KIAA0319L: variants seen among roughly 807,000 people sequenced by gnomAD.
KIAA0319L encodes the protein dyslexia-associated protein KIAA0319-like protein.
A neutral mutation model predicts 120.1 loss-of-function variants in KIAA0319L; 55 were observed. The observed-to-expected ratio is 0.46, with a 90% CI of 0.37 to 0.57. The LOEUF (loss-of-function observed/expected upper bound fraction) is 0.57, where lower values mean the gene tolerates loss of function less well. Ranked by LOEUF, KIAA0319L falls within the 20% of genes least tolerant of loss-of-function variation. The probability of loss-of-function intolerance (pLI) is 0.00; values close to 1 mark genes in which losing one functional copy is unlikely to be tolerated. For synonymous variants in KIAA0319L, 398 were observed against 471.9 expected, an observed-to-expected ratio of 0.84 and a Z score of 2.03; for missense variants, 1,049 against 1,255.3, an observed-to-expected ratio of 0.84 and a Z score of 2.48.
chr1:35,551,833 C>G (rs973060030), intron 2 of KIAA0319L, among the ~76,000 whole-genome samples: 1 of 152,160 alleles, frequency 6.6e-6, no homozygotes, highest in Non-Finnish European at 1.5e-5. Flanking sequence ...CAGAACTACA[C>G]CTAACACCAC....
At position 35,506,857 on chromosome 1, in the gene KIAA0319L, C is replaced by G; in HGVS notation, c.421G>C (p.Gly141Arg). 1 of 1,614,182 alleles carries G rather than the reference C, an allele frequency of 6.2e-7. No homozygotes were observed. Among genetic ancestry groups the G allele is most frequent in the Non-Finnish European group, 8.5e-7 (1 of 1,180,034 alleles). Reference protein sequence around the residue: ...LKKFQTADDLGFLPEDDVPHL... With the variant: ...LKKFQTADDLRFLPEDDVPHL... Reference sequence around the variant, plus strand: ...GGTACATCATCTTCAGGTAGAAAGCCCAAATCATCTGCAGTTTGGAATTTT... The same window carrying G: ...GGTACATCATCTTCAGGTAGAAAGCGCAAATCATCTGCAGTTTGGAATTTT... Residue 141 changes from glycine (G) to arginine (R), a missense_variant, in exon 3 of 21, where the codon GGC (glycine) becomes CGC (arginine). By Grantham distance (125) the Gly-to-Arg change is moderately radical (BLOSUM62 -2). Transcript: ENST00000325722. The surrounding 1 kb of genome is among the most constrained non-coding windows in gnomAD (Gnocchi z 4.0).
intron 13 of KIAA0319L, 82 bp from the exon 14 acceptor site, chr1:35,450,591 A>G: frequency 1.5e-6 from 2 of 1,357,086 alleles, no homozygotes; most frequent in Non-Finnish European, 2.1e-6. Context: ...GGGGAAATTA[A>G]AACATCAAGA....
chr1:35,517,172 C>G (rs1645715978), intron 2 of KIAA0319L, among the ~76,000 whole-genome samples: 1 of 152,086 alleles, frequency 6.6e-6, no homozygotes, highest in Admixed American at 6.6e-5. Flanking sequence ...ACCTATCAAA[C>G]TACCAATGAC....
At chr1:35,476,155 CAG>C (rs917045968) in intron 4 of KIAA0319L, among the ~76,000 whole-genome samples, 2 of 152,156 alleles carry the variant, frequency 1.3e-5, no homozygotes, top group African/African-American at 4.8e-5. Context: ...TCACATATGT[CAG>C]AGTTTCTCAA....
chr1:35,460,451 A>ATGTTGT lies in KIAA0319L; in HGVS notation c.1295-15_1295-14insACAACA. On this transcript the variant is annotated splice_polypyrimidine_tract_variant and intron_variant, in intron 8 of 20. Coordinates refer to ENST00000325722, the MANE Select transcript of KIAA0319L (RefSeq NM_024874.5). Reference sequence around the variant, plus strand: ...CATCAGTGCTTTCTTGACCATAAAGAAACATCAGTTACAACATGAGAACGC... The same window carrying ATGTTGT: ...CATCAGTGCTTTCTTGACCATAAAGATGTTGTAACATCAGTTACAACATGAGAACGC... 6.2e-7 allele frequency: 1 copy of ATGTTGT among 1,610,930 alleles called. No individual in the cohort carries two copies. The highest frequency in any genetic ancestry group is 8.5e-7 in the Non-Finnish European group (1 of 1,178,878).
At chr1:35,553,767 C>T (rs1647518960) in intron 2 of KIAA0319L, among the ~76,000 whole-genome samples, 2 of 152,206 alleles carry the variant, frequency 1.3e-5, no homozygotes, top group South Asian at 4.1e-4. Context: ...GAAATTTAGC[C>T]TTCTTGGCAC....
In KIAA0319L at chr1:35,470,978, C is replaced by T. The variant is rs1259312606; in HGVS notation, c.1016-18G>A. ...GGTTTCTCCTATAGAAGGGCAGTTA[C>T]AAAAATCATGAAAACACACACCAAC... is the stretch of plus-strand genomic sequence containing the variant. On this transcript the variant is annotated intron_variant, in intron 5 of 20. Coordinates refer to ENST00000325722, the MANE Select transcript of KIAA0319L (RefSeq NM_024874.5). 7 of 1,458,316 alleles carry T rather than the reference C, an allele frequency of 4.8e-6. No homozygotes were observed. In the African/African-American group the frequency reaches 9.8e-5, roughly 20 times the overall value. 90.3% of individuals were successfully genotyped at this position (1,458,316 alleles called of 1,614,324 possible).
At chr1:35,444,936 A>G (rs1228346332) in intron 16 of KIAA0319L, among the ~76,000 whole-genome samples, 3 of 152,210 alleles carry the variant, frequency 2.0e-5, no homozygotes, top group African/African-American at 7.2e-5. Flanking sequence ...GATAGGCCAC[A>G]TGTGAACTCA....
In KIAA0319L at chr1:35,442,356, G is replaced by C. The variant is rs1439629108; in HGVS notation, c.2780-20C>G. The stretch of plus-strand genomic sequence containing the variant: ...TCCACTCTGCCAAGAAAATCAAAAT[G>C]GTGAGGGCTGTGGAGGGAGAGGCTG... On this transcript the variant is annotated intron_variant, in intron 18 of 20. Transcript: ENST00000325722. 6.3e-7 allele frequency: 1 copy of C among 1,588,448 alleles called. No homozygotes were observed. Among genetic ancestry groups the C allele is most frequent in the African/African-American group, 1.3e-5 (1 of 74,426 alleles).
chr1:35,479,242 G>A (rs895165589), intron 3 of KIAA0319L, 30 bp from the exon 4 acceptor site: 1 of 1,579,550 alleles, frequency 6.3e-7, no homozygotes, highest in Non-Finnish European at 8.6e-7. Context: ...AATTTGAGTA[G>A]GTAAAAGTTA....
intron 3 of KIAA0319L, among the ~76,000 whole-genome samples, chr1:35,493,216 C>A (rs1443576441): frequency 6.6e-6 from 1 of 151,982 alleles, no homozygotes; most frequent in Non-Finnish European, 1.5e-5. Flanking sequence ...GACCAATATA[C>A]AAAAAGTAAT....
chr1:35,437,875 C>A lies in KIAA0319L; in HGVS notation c.2963-2794G>T, dbSNP rs1437397119. 1.3e-5 allele frequency among the ~76,000 whole-genome samples: 2 copies of A among 152,120 alleles called. No homozygotes were observed. The highest frequency in any genetic ancestry group is 4.8e-5 in the African/African-American group (2 of 41,402). On this transcript the variant is annotated intron_variant, in intron 20 of 20. Coordinates refer to ENST00000325722, the MANE Select transcript of KIAA0319L (RefSeq NM_024874.5). The surrounding 1 kb of genome is among the most constrained non-coding windows in gnomAD (Gnocchi z 4.1). ...TTCCATTTAATTCATCTTCTCTTACCCAGTCACTGCATCAGAGGTTCTGAT... is the reference window on the plus strand; with the variant it reads ...TTCCATTTAATTCATCTTCTCTTACACAGTCACTGCATCAGAGGTTCTGAT...
chr1:35,466,778 A>G, intron 6 of KIAA0319L, 83 bp from the exon 7 acceptor site: 2 of 970,658 alleles, frequency 2.1e-6, no homozygotes, highest in Non-Finnish European at 1.6e-6. Context: ...AACTTTCCCA[A>G]GCTGAATCTT....
chr1:35,442,473 G>T, intron 18 of KIAA0319L, 137 bp from the exon 19 acceptor site: 1 of 702,450 alleles, frequency 1.4e-6, no homozygotes, highest in Non-Finnish European at 2.6e-6. Flanking sequence ...GTAAGACCTT[G>T]GAGTTAAGGG....
intron 2 of KIAA0319L, among the ~76,000 whole-genome samples, chr1:35,545,272 T>TC (rs1646941328): frequency 2.6e-5 from 4 of 151,180 alleles, no homozygotes; most frequent in African/African-American, 9.8e-5. Context: ...GAGTGAAGAG[T>TC]GAAGCAATCA....
chr1:35,541,326 G>A (rs1646780705), intron 2 of KIAA0319L, among the ~76,000 whole-genome samples: 1 of 146,650 alleles, frequency 6.8e-6, no homozygotes, highest in Admixed American at 6.8e-5. Context: ...AACTCTGCAA[G>A]CTACTTCTTT....
intron 3 of KIAA0319L, among the ~76,000 whole-genome samples, chr1:35,480,699 T>C (rs1644127163): frequency 6.6e-6 from 1 of 152,058 alleles, no homozygotes; most frequent in Non-Finnish European, 1.5e-5. Context: ...CAAGAATCAC[T>C]TGAACCCGAG....
rs765300094 is a variant in KIAA0319L, at chr1:35,448,300, A to G, written c.2386T>C (p.Leu796=). 1.2e-6 allele frequency: 2 copies of G among 1,614,076 alleles called. No homozygotes were observed. Among genetic ancestry groups the G allele is most frequent in the Non-Finnish European group, 1.7e-6 (2 of 1,179,988 alleles). The change falls in exon 16 of 21, where the codon TTG becomes CTG. Residue 796 remains leucine, a synonymous_variant. Coordinates refer to ENST00000325722, the MANE Select transcript of KIAA0319L (RefSeq NM_024874.5). ...PRKNNLVEII[L]DINVSQLTER... ...GTTAGCTGACTGACGTTGATATCCA[A>G]GATGATCTCCACCAGGTTGTTTTTC...
At chr1:35,488,151 T>C (rs1644458241) in intron 3 of KIAA0319L, among the ~76,000 whole-genome samples, 1 of 152,202 alleles carries the variant, frequency 6.6e-6, no homozygotes, top group Non-Finnish European at 1.5e-5. Flanking sequence ...CACTCCCAGT[T>C]GCCATTTTTC....
Sources: allele counts gnomAD v4.1 joint callset (sites outside exome capture counted in the v4.1 genomes callset), GRCh38; gene constraint gnomAD v4.1.1; non-coding constraint Gnocchi (gnomAD v3.1); transcripts MANE v1.5; gene names NCBI Gene and HGNC (gene_info 2026-07-23, HGNC 2026-07-21).